Variants in MPV17L observed in about 807,000 individuals in gnomAD.
MPV17L encodes MPV17 mitochondrial inner membrane protein like.
A neutral mutation model predicts 25.8 loss-of-function variants in MPV17L; 24 were observed. The observed-to-expected ratio is 0.93, with a 90% CI of 0.67 to 1.31. MPV17L has a LOEUF of 1.31. Among genes scored for constraint, MPV17L ranks in the 50% most tolerant of loss-of-function variants. MPV17L has a pLI of 0.00. For missense variants in MPV17L, 250 were observed against 265.6 expected, an observed-to-expected ratio of 0.94 and a Z score of 0.41; for synonymous variants, 102 against 115.3, an observed-to-expected ratio of 0.88 and a Z score of 0.74.
intron 1 of MPV17L, among the ~76,000 whole-genome samples, chr16:15,397,335 C>A (rs1168998218): frequency 6.6e-6 from 1 of 152,102 alleles, no homozygotes; most frequent in Non-Finnish European, 1.5e-5. Flanking sequence ...AACTTGGGTT[C>A]ATCTACAAGT....
chr16:15,398,751 G>A (rs768215326), intron 1 of MPV17L, among the ~76,000 whole-genome samples: 1 of 151,792 alleles, frequency 6.6e-6, no homozygotes, highest in African/African-American at 2.4e-5. Context: ...CCGCCACCAC[G>A]CCTGGCTAAT....
intron 2 of MPV17L, 74 bp downstream of exon 2, chr16:15,400,931 T>C (rs1341107613): frequency 5.2e-6 from 5 of 957,048 alleles, no homozygotes; most frequent in Non-Finnish European, 7.1e-6. Flanking sequence ...TAAAAATATA[T>C]GTTTTGTGTT....
At chr16:15,396,480 G>A (rs140675382) in intron 1 of MPV17L, among the ~76,000 whole-genome samples, 4,593 of 152,290 alleles carry the variant, frequency 0.03, 106 homozygotes, top group Non-Finnish European at 0.05. Context: ...GGAATTTAGA[G>A]GACTAGGGTC....
intron 2 of MPV17L, among the ~76,000 whole-genome samples, chr16:15,405,955 A>G (rs561004667): frequency 5.9e-5 from 9 of 151,538 alleles, no homozygotes; most frequent in African/African-American, 2.2e-4. Flanking sequence ...TTGGGAGGCC[A>G]AGGCGGGCAG....
At chr16:15,403,942 C>A (rs552871744) in intron 2 of MPV17L, among the ~76,000 whole-genome samples, 4 of 151,164 alleles carry the variant, frequency 2.6e-5, no homozygotes, top group Non-Finnish European at 5.9e-5. Context: ...CCAAGGCAGG[C>A]GGATCATGAG....
Position 15,406,532 on chromosome 16 carries a change from G to T in MPV17L, c.382-1292G>T, listed in dbSNP as rs114457292. 2.7e-3 allele frequency among the ~76,000 whole-genome samples: 409 copies of T among 152,040 alleles called. 1 individual carries two copies. Among genetic ancestry groups the T allele is most frequent in the African/African-American group, 7.7e-3 (318 of 41,468 alleles). ...GTGAAATGTCTATCTAACATATTTT[G>T]TAATATATGAAAATTTCAGCTAAAC... is the stretch of plus-strand genomic sequence containing the variant. On this transcript the variant is annotated intron_variant, in intron 2 of 3. Transcript: ENST00000396385.
intron 2 of MPV17L, among the ~76,000 whole-genome samples, chr16:15,401,083 TA>T (rs1458571876): frequency 0.012 from 503 of 40,554 alleles, 2 homozygotes; most frequent in African/African-American, 0.03. Flanking sequence ...TATATATATA[TA>T]TATTTTTTTT....
rs562698547 is a variant in MPV17L, at chr16:15,406,456, T to A, written c.382-1368T>A. On this transcript the variant is annotated intron_variant, in intron 2 of 3. Coordinates refer to ENST00000396385, the MANE Select transcript of MPV17L (RefSeq NM_001128423.2). ...TAAATTTACATACCAAGACTTTTTT[T>A]TAAAAAATCATAATGATGACTTTTT... is the stretch of plus-strand genomic sequence containing the variant. Among the ~76,000 whole-genome samples the A allele has an allele frequency of 1.9e-3, 290 of 152,264 alleles. 3 individuals carry two copies. The highest frequency in any genetic ancestry group is 0.01 in the Middle Eastern group (3 of 294).
At position 15,410,738 on chromosome 16, in the gene MPV17L, T is replaced by C. The variant is rs2050726406; in HGVS notation, c.*2626T>C. On this transcript the variant is annotated 3_prime_UTR_variant, in exon 4 of 4. Coordinates refer to ENST00000396385, the MANE Select transcript of MPV17L (RefSeq NM_001128423.2). The stretch of plus-strand genomic sequence containing the variant: ...GCATATAATTTGTATAATTTGTTTA[T>C]GTAAGTTTCTGTAAGTCATAAATAT... 1 of 152,234 alleles carries C rather than the reference T, an allele frequency of 6.6e-6. No individual in the cohort carries two copies. Among genetic ancestry groups the C allele is most frequent in the Non-Finnish European group, 1.5e-5 (1 of 68,036 alleles). The allele number at this position is 152,234 out of a possible 1,614,324, so 9.4% of individuals were successfully genotyped here.
intron 2 of MPV17L, among the ~76,000 whole-genome samples, chr16:15,404,789 T>G (rs1473565316): frequency 6.6e-6 from 1 of 152,040 alleles, no homozygotes; most frequent in African/African-American, 2.4e-5. Context: ...ACCACTGCAC[T>G]CCAGCCTGGG....
intron 1 of MPV17L, among the ~76,000 whole-genome samples, chr16:15,398,273 A>C (rs1173847035): frequency 6.6e-6 from 1 of 151,948 alleles, no homozygotes; most frequent in Non-Finnish European, 1.5e-5. Flanking sequence ...CGAACTCCTG[A>C]CCTCAAGTGA....
chr16:15,401,087 T>TATA (rs376853780), intron 2 of MPV17L, among the ~76,000 whole-genome samples: 74 of 17,792 alleles, frequency 4.2e-3, no homozygotes, highest in South Asian at 7.3e-3. Flanking sequence ...TATATATATA[T>TATA]TTTTTTTTTT....
chr16:15,398,386 CA>C (rs2050605342), intron 1 of MPV17L, among the ~76,000 whole-genome samples: 1 of 151,914 alleles, frequency 6.6e-6, no homozygotes, highest in African/African-American at 2.4e-5. Context: ...AACTGAGTCT[CA>C]AAGGGGTTCT....
chr16:15,397,588 C>G (rs62037850), intron 1 of MPV17L, among the ~76,000 whole-genome samples: 2 of 151,998 alleles, frequency 1.3e-5, no homozygotes, highest in Admixed American at 6.6e-5. Context: ...AAAATCTCTA[C>G]GGGTCTCAAG....
At chr16:15,396,285 C>A in intron 1 of MPV17L, 78 bp downstream of exon 1, 2 of 1,499,718 alleles carry the variant, frequency 1.3e-6, no homozygotes, top group Non-Finnish European at 1.8e-6. Flanking sequence ...GATCAAGCGG[C>A]TGGAGGGAGG....
At chr16:15,396,344 G>C (rs1019088589) in intron 1 of MPV17L, 137 bp downstream of exon 1, 3 of 1,179,028 alleles carry the variant, frequency 2.5e-6, no homozygotes, top group East Asian at 5.3e-5. Flanking sequence ...CTCTGAGACC[G>C]GAGCTGCTTC....
At chr16:15,406,691 C>T (rs915067963) in intron 2 of MPV17L, among the ~76,000 whole-genome samples, 6 of 151,482 alleles carry the variant, frequency 4.0e-5, no homozygotes, top group African/African-American at 1.2e-4. Flanking sequence ...TTTGGGAGGC[C>T]GAGGCAGGCA....
chr16:15,400,346 CTTTTTTTT>C lies in MPV17L; in HGVS notation c.311-430_311-423del, dbSNP rs908354383. 8.0e-5 allele frequency among the ~76,000 whole-genome samples: 10 copies of C among 125,128 alleles called. 1 individual carries two copies. The highest frequency in any genetic ancestry group is 2.7e-4 in the African/African-American group (9 of 33,650). 82.1% of individuals were successfully genotyped at this position (125,128 alleles called of 152,430 possible). The stretch of plus-strand genomic sequence containing the variant: ...AGTTTTAGAGTGGAGATTATGTTTT[CTTTTTTTT>C]TTTTTTTTTTGTTTGAGACAGGGTC... On this transcript the variant is annotated intron_variant, in intron 1 of 3. Coordinates refer to ENST00000396385, the MANE Select transcript of MPV17L (RefSeq NM_001128423.2).
chr16:15,396,787 C>A (rs1293307653), intron 1 of MPV17L, among the ~76,000 whole-genome samples: 1 of 152,120 alleles, frequency 6.6e-6, no homozygotes, highest in African/African-American at 2.4e-5. Context: ...CAAATTCATG[C>A]CCAGGGGCCT....
Sources: allele counts gnomAD v4.1 joint callset (sites outside exome capture counted in the v4.1 genomes callset), GRCh38; gene constraint gnomAD v4.1.1; transcripts MANE v1.5; gene names NCBI Gene and HGNC (gene_info 2026-07-23, HGNC 2026-07-21).